The following NPFFR2 variants were observed in gnomAD, a reference collection of about 807,000 sequenced individuals.
NPFFR2 encodes the protein neuropeptide FF receptor 2.
Under a neutral mutation model 13.1 loss-of-function variants are expected in NPFFR2, and 15 were observed. The observed-to-expected ratio is 1.15, with a 90% CI of 0.77 to 1.76. The LOEUF (loss-of-function observed/expected upper bound fraction) is 1.76. Among genes scored for constraint, NPFFR2 ranks in the 40% most tolerant of loss-of-function variants. The probability of loss-of-function intolerance (pLI) is 0.00; values close to 1 mark genes in which losing one functional copy is unlikely to be tolerated. For missense variants in NPFFR2, 572 were observed against 503.5 expected (o/e 1.14, Z -1.30); for synonymous variants, 190 against 175.7 (o/e 1.08, Z -0.65).
At chr4:72,080,893 G>T (rs1720598438) in intron 1 of NPFFR2, among the ~76,000 whole-genome samples, 1 of 146,822 alleles carries the variant, frequency 6.8e-6, no homozygotes. Flanking sequence ...TGTTGACCTT[G>T]AGGACCAACA....
Position 72,147,372 on chromosome 4 carries a change from A to G in NPFFR2, c.823A>G (p.Met275Val). ...VSRKKQKIIKMLLIVALLFIL... is the reference protein window; with the variant it reads ...VSRKKQKIIKVLLIVALLFIL... ...CAGGAAGAAGCAGAAGATCATTAAG[A>G]TGCTCCTGATTGTGGCCCTGCTTTT... The change falls in exon 4 of 4, where the codon ATG becomes GTG. Residue 275 changes from methionine (M) to valine (V), a missense_variant. Met to Val is a conservative substitution (Grantham distance 21, BLOSUM62 1). Transcript: ENST00000308744. 2 of 1,614,154 alleles carry G rather than the reference A, an allele frequency of 1.2e-6. No homozygotes were observed. The highest frequency in any genetic ancestry group is 1.1e-5 in the South Asian group (1 of 91,082).
chr4:72,056,466 A>G (rs556157326), intron 1 of NPFFR2, among the ~76,000 whole-genome samples: 1 of 152,148 alleles, frequency 6.6e-6, no homozygotes, highest in South Asian at 2.1e-4. Context: ...GAACTCTGAT[A>G]GAGATATACA....
At chr4:72,052,965 C>A (rs1306374837) in intron 1 of NPFFR2, among the ~76,000 whole-genome samples, 1 of 151,826 alleles carries the variant, frequency 6.6e-6, no homozygotes, top group African/African-American at 2.4e-5. Context: ...ACACCCCTAC[C>A]CCTTGCTTCA....
At chr4:72,081,146 A>G (rs1720606041) in intron 1 of NPFFR2, among the ~76,000 whole-genome samples, 2 of 152,134 alleles carry the variant, frequency 1.3e-5, no homozygotes, top group South Asian at 4.2e-4. Flanking sequence ...AGCAATTCCT[A>G]CTCTTGTCTA....
At chr4:72,095,241 T>C (rs1200842433) in intron 1 of NPFFR2, among the ~76,000 whole-genome samples, 1 of 152,226 alleles carries the variant, frequency 6.6e-6, no homozygotes, top group East Asian at 1.9e-4. Context: ...ATATGTCTGC[T>C]GGTGTGCTGG....
At chr4:72,107,250 G>C (rs139192767) in intron 1 of NPFFR2, among the ~76,000 whole-genome samples, 2,685 of 151,048 alleles carry the variant, frequency 0.018, 86 homozygotes, top group African/African-American at 0.062. Flanking sequence ...AGGCAGGGTG[G>C]GGGAGTACTT....
chr4:72,132,426 C>G (rs1177037335), intron 2 of NPFFR2, among the ~76,000 whole-genome samples: 1 of 152,118 alleles, frequency 6.6e-6, no homozygotes, highest in Non-Finnish European at 1.5e-5. Flanking sequence ...GATTCCATGT[C>G]TTTGCTATCG....
chr4:72,069,126 C>G (rs1006932660), intron 1 of NPFFR2: 12 of 432,392 alleles, frequency 2.8e-5, no homozygotes, highest in African/African-American at 2.5e-4. Context: ...AACAGTAATG[C>G]TAAGCCTTAT....
chr4:72,128,901 C>A lies in NPFFR2; in HGVS notation c.310C>A (p.Leu104Met). 6.2e-7 allele frequency: 1 copy of A among 1,610,296 alleles called. No homozygotes were observed. Among genetic ancestry groups the A allele is most frequent in the Middle Eastern group, 1.7e-4 (1 of 6,042 alleles). ...VGIFCMPITL[L>M]DNIIAGWPFG... The stretch of plus-strand genomic sequence containing the variant: ...CATATTCTGCATGCCTATAACACTG[C>A]TGGACAATATTATAGCAGGTATGTT... The change falls in exon 2 of 4, where the codon CTG becomes ATG. Residue 104 changes from leucine (L) to methionine (M), a missense_variant. Coordinates refer to ENST00000308744, the MANE Select transcript of NPFFR2 (RefSeq NM_004885.3).
chr4:72,046,622 A>G (rs1719389974), intron 1 of NPFFR2, among the ~76,000 whole-genome samples: 1 of 152,196 alleles, frequency 6.6e-6, no homozygotes, highest in Non-Finnish European at 1.5e-5. Flanking sequence ...TGAGGCTGTC[A>G]TTATAGCAAA....
Position 72,146,975 on chromosome 4 carries a change from C to T in NPFFR2, c.429-3C>T. 6.3e-7 allele frequency: 1 copy of T among 1,588,626 alleles called. No individual in the cohort carries two copies. Among genetic ancestry groups the T allele is most frequent in the East Asian group, 2.2e-5 (1 of 44,676 alleles). ...CCTCATTTATATTTGTGTTTAATTG[C>T]AGGTTCCAGTGTGTGGTCTACCCTT... On this transcript the variant is annotated splice_polypyrimidine_tract_variant and splice_region_variant and intron_variant, in intron 3 of 3. Transcript: ENST00000308744.
At chr4:72,139,539 G>T (rs143239581) in intron 3 of NPFFR2, among the ~76,000 whole-genome samples, 1 of 151,986 alleles carries the variant, frequency 6.6e-6, no homozygotes, top group Non-Finnish European at 1.5e-5. Context: ...GCTTGTTTTC[G>T]TCAGGTTTGT....
At chr4:72,081,553 G>A (rs1382672651) in intron 1 of NPFFR2, among the ~76,000 whole-genome samples, 1 of 150,540 alleles carries the variant, frequency 6.6e-6, no homozygotes, top group East Asian at 2.0e-4. Context: ...CAGTGGCATG[G>A]TCAAGCTCAC....
rs1242892717 is a variant in NPFFR2, at chr4:72,081,350, G to T, written c.-7-47235G>T. On this transcript the variant is annotated intron_variant, in intron 1 of 3. Coordinates refer to ENST00000308744, the MANE Select transcript of NPFFR2 (RefSeq NM_004885.3). ...TTACTGCTGGCTCTTTACAGAAAAGGTGTTGATGTCTGCTGTAATGTATAA... is the reference window on the plus strand; with the variant it reads ...TTACTGCTGGCTCTTTACAGAAAAGTTGTTGATGTCTGCTGTAATGTATAA... Among the ~76,000 whole-genome samples, 4 of 152,158 alleles carry T rather than the reference G, an allele frequency of 2.6e-5. No individual in the cohort carries two copies. In the East Asian group the frequency reaches 7.7e-4, roughly 29 times the overall value.
intron 1 of NPFFR2, among the ~76,000 whole-genome samples, chr4:72,063,387 G>A (rs1719975678): frequency 6.6e-6 from 1 of 152,122 alleles, no homozygotes; most frequent in Non-Finnish European, 1.5e-5. Flanking sequence ...AAGCAAACAA[G>A]GTAATTTGAA....
At chr4:72,109,674 T>C (rs1284965100) in intron 1 of NPFFR2, among the ~76,000 whole-genome samples, 3 of 53,586 alleles carry the variant, frequency 5.6e-5, no homozygotes, top group African/African-American at 7.8e-5. Context: ...ATGACACACT[T>C]GAATTCTTCC....
chr4:72,097,699 G>A (rs1156973263), intron 1 of NPFFR2, among the ~76,000 whole-genome samples: 2 of 152,100 alleles, frequency 1.3e-5, no homozygotes, highest in Non-Finnish European at 2.9e-5. Flanking sequence ...CAAGTCCAGG[G>A]TGATAAAGCC....
intron 1 of NPFFR2, among the ~76,000 whole-genome samples, chr4:72,069,327 C>T (rs1223526255): frequency 6.6e-6 from 1 of 152,018 alleles, no homozygotes; most frequent in Non-Finnish European, 1.5e-5. Context: ...GTAAACACAA[C>T]ATAGCATTTT....
At position 72,106,621 on chromosome 4, in the gene NPFFR2, GC is replaced by G. The variant is rs558951994; in HGVS notation, c.-7-21962del. 3.0e-3 allele frequency among the ~76,000 whole-genome samples: 450 copies of G among 152,084 alleles called. 3 individuals carry two copies. Among genetic ancestry groups the G allele is most frequent in the African/African-American group, 9.9e-3 (409 of 41,508 alleles). ...GAAAAAGAGAAGTAGGACTTTCCCT[GC>G]CTCTTTCTGCCACTCTAAACTTGCT... On this transcript the variant is annotated intron_variant, in intron 1 of 3. Coordinates refer to ENST00000308744, the MANE Select transcript of NPFFR2 (RefSeq NM_004885.3).
Sources: allele counts gnomAD v4.1 joint callset (sites outside exome capture counted in the v4.1 genomes callset), GRCh38; gene constraint gnomAD v4.1.1; transcripts MANE v1.5; gene names NCBI Gene and HGNC (gene_info 2026-07-23, HGNC 2026-07-21).